Variants in ELMO2 observed in about 807,000 individuals in gnomAD.
ELMO2 encodes the protein engulfment and cell motility 2.
Under a neutral mutation model 96.2 loss-of-function variants are expected in ELMO2, and 37 were observed. That is an observed-to-expected ratio of 0.38 (90% CI 0.30 to 0.51). The LOEUF is 0.51. Ranked by LOEUF, ELMO2 falls within the 20% of genes least tolerant of loss-of-function variation. ELMO2 has a pLI of 0.88. For missense variants in ELMO2, 561 were observed against 912.6 expected (o/e 0.61, Z 4.96); for synonymous variants, 315 against 329.4 (o/e 0.96, Z 0.47).
intron 2 of ELMO2, among the ~76,000 whole-genome samples, chr20:46,396,045 C>T (rs751736357): frequency 3.3e-5 from 5 of 152,266 alleles, no homozygotes; most frequent in Admixed American, 6.5e-5. Flanking sequence ...TGCAATTAAA[C>T]GCAGCCTAAA....
At chr20:46,388,968 T>C (rs2060098706) in intron 7 of ELMO2, 71 bp downstream of exon 7, 1 of 1,503,988 alleles carries the variant, frequency 6.6e-7, no homozygotes, top group Admixed American at 1.9e-5. Context: ...TCAAGGGAAA[T>C]GAGACTAGGA....
chr20:46,373,285 T>C (rs2059768610), intron 16 of ELMO2, 114 bp downstream of exon 16: 2 of 1,457,034 alleles, frequency 1.4e-6, no homozygotes, highest in Non-Finnish European at 9.3e-7. Flanking sequence ...GACTCAGTTC[T>C]GCAGACCAAG....
At chr20:46,369,959 GGGGTGTGTGTGTGTGTGT>G (rs1245764411) in intron 20 of ELMO2, 52 of 251,130 alleles carry the variant, frequency 2.1e-4, no homozygotes, top group African/African-American at 5.1e-4. Flanking sequence ...GATGGGTATG[GGGGTGTGTGTGTGTGTGT>G]GTGTGTGTGT....
At chr20:46,405,653 C>T (rs148293011) in intron 1 of ELMO2, among the ~76,000 whole-genome samples, 1,777 of 152,088 alleles carry the variant, frequency 0.012, 31 homozygotes, top group African/African-American at 0.041. Flanking sequence ...TCTGGGAGGC[C>T]GAGACGGGCG....
In ELMO2 at chr20:46,375,720, G is replaced by A. The variant is rs1470323507; in HGVS notation, c.878C>T (p.Thr293Ile). 3.1e-6 allele frequency: 5 copies of A among 1,614,196 alleles called. No individual in the cohort carries two copies. The East Asian group carries it at 6.7e-5, about 22-fold the overall frequency. ...AHQLYVLQVL[T>I]FNLLEERMMT... ...CATCCTTTCTTCCAGAAGGTTAAAG[G>A]TTAGGACTTGAAGGACATATAGCTG... is the stretch of plus-strand genomic sequence containing the variant. The change falls in exon 12 of 22, where the codon ACC (threonine) becomes ATC (isoleucine). Residue 293 changes from threonine to isoleucine, a missense_variant. By Grantham distance (89) the Thr-to-Ile change is moderately conservative. Transcript: ENST00000290246. The surrounding 1 kb of genome is among the most constrained non-coding windows in gnomAD (Gnocchi z 4.6).
At chr20:46,374,216 A>T in intron 15 of ELMO2, 116 bp downstream of exon 15, 1 of 743,710 alleles carries the variant, frequency 1.3e-6, no homozygotes, top group Non-Finnish European at 2.3e-6. Flanking sequence ...TGCTGAGATT[A>T]CAGGTGTGAA....
intron 2 of ELMO2, among the ~76,000 whole-genome samples, chr20:46,397,034 C>T (rs1255479211): frequency 2.0e-5 from 3 of 152,164 alleles, no homozygotes; most frequent in African/African-American, 4.8e-5. Context: ...TTCTGAACGC[C>T]GTCTTTGGAG....
At position 46,376,950 on chromosome 20, in the gene ELMO2, G is replaced by A. The variant is rs139373776; in HGVS notation, c.808-1160C>T. 102 of 503,698 alleles carry A rather than the reference G, an allele frequency of 2.0e-4. 1 individual carries two copies. Among genetic ancestry groups the A allele is most frequent in the Admixed American group, 3.7e-4 (10 of 26,940 alleles). 31.2% of individuals were successfully genotyped at this position (503,698 alleles called of 1,614,324 possible). Reference sequence around the variant, plus strand: ...ACATTTTAAGTGCTTAGTAGTCACCGTGGCTAGCGGCTACAGCAATGCAGA... The same window carrying A: ...ACATTTTAAGTGCTTAGTAGTCACCATGGCTAGCGGCTACAGCAATGCAGA... On this transcript the variant is annotated intron_variant, in intron 11 of 21. Coordinates refer to ENST00000290246, the MANE Select transcript of ELMO2 (RefSeq NM_133171.5).
At position 46,375,379 on chromosome 20, in the gene ELMO2, T is replaced by C; in HGVS notation, c.931-9A>G. Reference sequence around the variant, plus strand: ...ATGATGTCCCTTTGAGCCTGCGAGGTGAAACAGACAGTCAGCAGGTGAATC... The same window carrying C: ...ATGATGTCCCTTTGAGCCTGCGAGGCGAAACAGACAGTCAGCAGGTGAATC... On this transcript the variant is annotated splice_polypyrimidine_tract_variant and intron_variant, in intron 12 of 21. Coordinates refer to ENST00000290246, the MANE Select transcript of ELMO2 (RefSeq NM_133171.5). This position sits in a 1 kb window ranked among gnomAD's most constrained non-coding sequence, Gnocchi z 4.6. 6.2e-7 allele frequency: 1 copy of C among 1,612,834 alleles called. No individual in the cohort carries two copies. The highest frequency in any genetic ancestry group is 8.5e-7 in the Non-Finnish European group (1 of 1,179,028).
At position 46,367,553 on chromosome 20, in the gene ELMO2, A is replaced by G. The variant is rs2059608285; in HGVS notation, c.1970T>C (p.Ile657Thr). The change falls in exon 22 of 22, where the codon ATC becomes ACC. Residue 657 changes from isoleucine to threonine, a missense_variant. Transcript: ENST00000290246. The stretch of plus-strand genomic sequence containing the variant: ...AAGGGCACTGAGGCCATCAATCCAG[A>G]TGCAGTACTGTGGGGAGCAAGTTGC... ...FIAPNKYEYC[I>T]WIDGLSALLG... is the part of the protein sequence containing the mutation. 5 of 1,611,076 alleles carry G rather than the reference A, an allele frequency of 3.1e-6. No individual in the cohort carries two copies. The African/African-American group carries it at 4.0e-5, about 13-fold the overall frequency.
intron 10 of ELMO2, among the ~76,000 whole-genome samples, chr20:46,381,900 T>C (rs1317631891): frequency 6.6e-6 from 1 of 152,218 alleles, no homozygotes; most frequent in African/African-American, 2.4e-5. Flanking sequence ...TGGTATTGTC[T>C]AGATCAAAGT....
chr20:46,370,666 T>A, intron 19 of ELMO2, 141 bp from the exon 20 acceptor site: 1 of 770,730 alleles, frequency 1.3e-6, no homozygotes, highest in Non-Finnish European at 2.2e-6. Context: ...ATGAGCTCAG[T>A]GAGGGTGGTG....
Position 46,375,524 on chromosome 20 carries a change from G to C in ELMO2, c.930+144C>G. 6.7e-7 allele frequency: 1 copy of C among 1,483,570 alleles called. No individual in the cohort carries two copies. The highest frequency in any genetic ancestry group is 1.3e-5 in the South Asian group (1 of 78,028). The allele number at this position is 1,483,570 out of a possible 1,614,324, so 91.9% of individuals were successfully genotyped here. On this transcript the variant is annotated intron_variant, in intron 12 of 21. Coordinates refer to ENST00000290246, the MANE Select transcript of ELMO2 (RefSeq NM_133171.5). This position sits in a 1 kb window ranked among gnomAD's most constrained non-coding sequence, Gnocchi z 4.6. ...CCACAGCAGGACAGAAATGGGCTTG[G>C]CTCATGGTGCAGATCATGCTAGATT...
chr20:46,405,404 G>A (rs1464851872), intron 1 of ELMO2, among the ~76,000 whole-genome samples: 1 of 152,166 alleles, frequency 6.6e-6, no homozygotes, highest in Non-Finnish European at 1.5e-5. Flanking sequence ...AGGAAGGCAG[G>A]AGCTTGGGAT....
chr20:46,375,188 C>G lies in ELMO2; in HGVS notation c.1065+48G>C, dbSNP rs533658558. Reference sequence around the variant, plus strand: ...TCTGTCTGGGTGGGACCATTGACTTCCCATCAGGGGAGAGGGCCTACCACC... The same window carrying G: ...TCTGTCTGGGTGGGACCATTGACTTGCCATCAGGGGAGAGGGCCTACCACC... On this transcript the variant is annotated intron_variant, in intron 13 of 21. Transcript: ENST00000290246. The surrounding 1 kb of genome is among the most constrained non-coding windows in gnomAD (Gnocchi z 4.6). The G allele has an allele frequency of 2.5e-6, 4 of 1,590,300 alleles. No homozygotes were observed. The South Asian group carries it at 4.5e-5, about 18-fold the overall frequency.
chr20:46,389,348 A>C (rs1397913993), intron 6 of ELMO2, 128 bp from the exon 7 acceptor site: 11 of 893,966 alleles, frequency 1.2e-5, no homozygotes, highest in Non-Finnish European at 1.9e-5. Flanking sequence ...CACACAGCTT[A>C]GGAGTTGCTA....
chr20:46,402,280 AC>A (rs2060349472), intron 1 of ELMO2, among the ~76,000 whole-genome samples: 2 of 152,234 alleles, frequency 1.3e-5, no homozygotes, highest in Admixed American at 6.5e-5. Flanking sequence ...ACTGCCTGCC[AC>A]ATAGCTGTGT....
In ELMO2 at chr20:46,387,318, CAG is replaced by C; in HGVS notation, c.525+18_525+19del. 1 of 1,608,490 alleles carries C rather than the reference CAG, an allele frequency of 6.2e-7. No individual in the cohort carries two copies. Among genetic ancestry groups the C allele is most frequent in the Non-Finnish European group, 8.5e-7 (1 of 1,175,248 alleles). ...TGGCAGCTGAGGGAGGAGAGAAAGA[CAG>C]AATGTTGGAGGCCTCACCTGCTTAA... On this transcript the variant is annotated intron_variant, in intron 8 of 21. Transcript: ENST00000290246.
At position 46,389,226 on chromosome 20, in the gene ELMO2, A is replaced by C. The variant is rs1280948489; in HGVS notation, c.244-6T>G. ...AGCTGGCGTGCAGCCCGGGACTAGG[A>C]GGCCAGGGACAAGATATGTGCCATC... On this transcript the variant is annotated splice_region_variant and splice_polypyrimidine_tract_variant and intron_variant, in intron 6 of 21. Transcript: ENST00000290246. 2 of 1,612,960 alleles carry C rather than the reference A, an allele frequency of 1.2e-6. No individual in the cohort carries two copies. Among genetic ancestry groups the C allele is most frequent in the South Asian group, 2.2e-5 (2 of 90,920 alleles).
Sources: gnomAD v4.1 joint callset for allele counts (sites outside exome capture counted in the v4.1 genomes callset) on GRCh38, gnomAD v4.1.1 for gene constraint, Gnocchi (gnomAD v3.1) non-coding constraint, MANE v1.5 for transcripts, NCBI Gene and HGNC (gene_info 2026-07-23, HGNC 2026-07-21) for gene names.